Variants in MSRA observed in about 807,000 individuals in gnomAD.
MSRA encodes the protein methionine sulfoxide reductase A.
MSRA carries 54 observed loss-of-function variants against 31.3 expected under a neutral mutation model. The ratio of observed to expected loss-of-function variants is 1.73; its 90% CI spans 1.39 to 2.17. The LOEUF (loss-of-function observed/expected upper bound fraction) is 2.17. Among genes scored for constraint, MSRA ranks in the 30% most tolerant of loss-of-function variants. The pLI, the probability that MSRA is intolerant of heterozygous loss-of-function variation, is 0.00. For synonymous variants in MSRA, 169 were observed against 116.5 expected (o/e 1.45, Z -2.90); for missense variants, 507 against 300.9 (o/e 1.69, Z -5.07).
At chr8:10,289,818 T>C (rs1053245113) in intron 3 of MSRA, among the ~76,000 whole-genome samples, 1 of 152,186 alleles carries the variant, frequency 6.6e-6, no homozygotes. Context: ...GAGCCGTCCA[T>C]GTTGTTCTGT....
chr8:10,245,753 G>C (rs937876119), intron 3 of MSRA, among the ~76,000 whole-genome samples: 2 of 152,242 alleles, frequency 1.3e-5, no homozygotes, highest in African/African-American at 4.8e-5. Context: ...GAGAACCTAA[G>C]AGCAGCAAGA....
intron 5 of MSRA, among the ~76,000 whole-genome samples, chr8:10,417,928 A>C (rs1808581091): frequency 6.6e-6 from 1 of 152,102 alleles, no homozygotes; most frequent in Admixed American, 6.6e-5. Context: ...CTGCCGCTAG[A>C]GGGCGAAGTG....
chr8:10,096,185 T>C, intron 1 of MSRA: 2 of 1,257,070 alleles, frequency 1.6e-6, no homozygotes, highest in Non-Finnish European at 2.0e-6. Flanking sequence ...GAAAACGTTT[T>C]CTTAAAGCAA....
chr8:10,227,035 C>A (rs917216484), intron 2 of MSRA, among the ~76,000 whole-genome samples: 1 of 152,170 alleles, frequency 6.6e-6, no homozygotes, highest in African/African-American at 2.4e-5. Context: ...TCTAGAGATC[C>A]ATGGCTCACC....
At chr8:10,204,301 C>T (rs1023633471) in intron 1 of MSRA, among the ~76,000 whole-genome samples, 8 of 152,136 alleles carry the variant, frequency 5.3e-5, no homozygotes, top group African/African-American at 9.7e-5. Context: ...TTATAAAGTC[C>T]GTGGTAGTGT....
chr8:10,184,288 C>T lies in MSRA; in HGVS notation c.143-23545C>T, dbSNP rs117801459. 7.9e-5 allele frequency among the ~76,000 whole-genome samples: 12 copies of T among 152,028 alleles called. No homozygotes were observed. In the East Asian group the frequency reaches 2.3e-3, roughly 29 times the overall value. On this transcript the variant is annotated intron_variant, in intron 1 of 5. Transcript: ENST00000317173. Reference sequence around the variant, plus strand: ...GAGCAGTTCCCTCACTGCTCTCTTACACAGCCAGCCTCTTAAATAATCCCC... The same window carrying T: ...GAGCAGTTCCCTCACTGCTCTCTTATACAGCCAGCCTCTTAAATAATCCCC...
chr8:10,296,933 C>T (rs965124845), intron 3 of MSRA, among the ~76,000 whole-genome samples: 5 of 152,240 alleles, frequency 3.3e-5, no homozygotes, highest in South Asian at 2.1e-4. Context: ...TTATGTACTG[C>T]GTGGGCCAGT....
chr8:10,096,237 C>T, intron 1 of MSRA: 2 of 1,200,080 alleles, frequency 1.7e-6, no homozygotes, highest in Non-Finnish European at 2.1e-6. Context: ...TAAACTACAT[C>T]CCCCAGCAAT....
intron 3 of MSRA, among the ~76,000 whole-genome samples, chr8:10,293,038 T>A (rs1362466496): frequency 6.6e-6 from 1 of 152,160 alleles, no homozygotes; most frequent in African/African-American, 2.4e-5. Context: ...GGCTTGGGGT[T>A]GTCTCCGTCC....
intron 1 of MSRA, among the ~76,000 whole-genome samples, chr8:10,202,380 T>C (rs1042904569): frequency 3.9e-5 from 6 of 152,248 alleles, no homozygotes; most frequent in African/African-American, 1.2e-4. Context: ...TTTCCCCTTA[T>C]TCTTTTATCC....
chr8:10,345,355 G>A (rs1231567632), intron 5 of MSRA, among the ~76,000 whole-genome samples: 1 of 152,192 alleles, frequency 6.6e-6, no homozygotes, highest in African/African-American at 2.4e-5. Context: ...GGGCCAGCCT[G>A]AGTTTGAGGT....
At chr8:10,209,753 G>C (rs1809312290) in intron 2 of MSRA, among the ~76,000 whole-genome samples, 1 of 152,202 alleles carries the variant, frequency 6.6e-6, no homozygotes, top group Admixed American at 6.5e-5. Flanking sequence ...TACGCCTTCA[G>C]GACTGAAAGC....
intron 1 of MSRA, among the ~76,000 whole-genome samples, chr8:10,189,274 TACAC>T (rs1308185334): frequency 6.6e-6 from 1 of 152,226 alleles, no homozygotes; most frequent in Non-Finnish European, 1.5e-5. Flanking sequence ...ATTTTTTACT[TACAC>T]AATCATGTTG....
intron 5 of MSRA, among the ~76,000 whole-genome samples, chr8:10,330,686 G>A (rs577977941): frequency 5.3e-5 from 8 of 152,300 alleles, no homozygotes; most frequent in South Asian, 2.1e-4. Context: ...CTAGGAACTC[G>A]TCTCCCATTT....
intron 5 of MSRA, among the ~76,000 whole-genome samples, chr8:10,320,785 C>T (rs1802005517): frequency 6.6e-6 from 1 of 152,206 alleles, no homozygotes; most frequent in Non-Finnish European, 1.5e-5. Flanking sequence ...AGGCCTCTCT[C>T]CTTGGCTTCT....
chr8:10,345,819 G>A (rs1469869242), intron 5 of MSRA, among the ~76,000 whole-genome samples: 2 of 152,174 alleles, frequency 1.3e-5, no homozygotes, highest in African/African-American at 4.8e-5. Flanking sequence ...AGACTAAAAG[G>A]TCAAATCTAC....
intron 3 of MSRA, among the ~76,000 whole-genome samples, chr8:10,255,846 T>C (rs559514600): frequency 6.6e-6 from 1 of 152,196 alleles, no homozygotes; most frequent in African/African-American, 2.4e-5. Flanking sequence ...ATAAACTGTT[T>C]TTTGTTTAAA....
rs919737988 is a variant in MSRA at position 10,209,765 on chromosome 8, C to T, written c.211+1864C>T. 2.0e-5 allele frequency among the ~76,000 whole-genome samples: 3 copies of T among 152,192 alleles called. No homozygotes were observed. The East Asian group carries it at 5.8e-4, about 29-fold the overall frequency. ...TCTTACGCCTTCAGGACTGAAAGCTCTTGGAGCAGGGGGCAGCCCCTGGGA... is the reference window on the plus strand; with the variant it reads ...TCTTACGCCTTCAGGACTGAAAGCTTTTGGAGCAGGGGGCAGCCCCTGGGA... On this transcript the variant is annotated intron_variant, in intron 2 of 5. Coordinates refer to ENST00000317173, the MANE Select transcript of MSRA (RefSeq NM_012331.5).
intron 1 of MSRA, among the ~76,000 whole-genome samples, chr8:10,202,185 G>T (rs1486426481): frequency 6.6e-6 from 1 of 152,226 alleles, no homozygotes; most frequent in Non-Finnish European, 1.5e-5. Flanking sequence ...ATATCTTACT[G>T]AACCTATACG....
Sources: allele counts gnomAD v4.1 joint callset (sites outside exome capture counted in the v4.1 genomes callset), GRCh38; gene constraint gnomAD v4.1.1; transcripts MANE v1.5; gene names NCBI Gene and HGNC (gene_info 2026-07-23, HGNC 2026-07-21).